The following AOAH variants were observed in gnomAD, a reference collection of about 807,000 sequenced individuals.
AOAH encodes acyloxyacyl hydrolase (neutrophil).
In AOAH, 64 loss-of-function variants were observed where a neutral mutation model predicts 92.2. The observed-to-expected ratio is 0.69, with a 90% CI of 0.57 to 0.86. AOAH has a LOEUF of 0.86. AOAH is among the 40% of genes least tolerant of loss of function. The pLI is 0.00. For missense variants in AOAH, 656 were observed against 694.6 expected, an observed-to-expected ratio of 0.94 and a Z score of 0.62; for synonymous variants, 263 against 254.5, an observed-to-expected ratio of 1.03 and a Z score of -0.32.
intron 2 of AOAH, among the ~76,000 whole-genome samples, chr7:36,680,283 C>T (rs1035695794): frequency 2.6e-5 from 4 of 151,958 alleles, no homozygotes; most frequent in African/African-American, 7.3e-5. Flanking sequence ...ATGCTTTGCA[C>T]GATTAGAAAA....
intron 3 of AOAH, among the ~76,000 whole-genome samples, chr7:36,664,474 T>G (rs1795419922): frequency 6.6e-6 from 1 of 152,218 alleles, no homozygotes; most frequent in Non-Finnish European, 1.5e-5. Flanking sequence ...CATTGATTAT[T>G]TGTCTGTCCT....
intron 10 of AOAH, among the ~76,000 whole-genome samples, chr7:36,616,966 G>A (rs74673213): frequency 0.017 from 2,517 of 152,274 alleles, 34 homozygotes; most frequent in Non-Finnish European, 0.027. Context: ...ATGGAGACAC[G>A]GAGATAGAAA....
intron 1 of AOAH, among the ~76,000 whole-genome samples, chr7:36,711,767 G>A (rs981822622): frequency 3.9e-5 from 6 of 152,144 alleles, no homozygotes; most frequent in South Asian, 2.1e-4. Flanking sequence ...AATGTGTGGT[G>A]GGTCAGATGC....
chr7:36,607,518 T>C (rs750015167), intron 11 of AOAH, among the ~76,000 whole-genome samples: 1 of 152,184 alleles, frequency 6.6e-6, no homozygotes, highest in Non-Finnish European at 1.5e-5. Context: ...TTTTTCCCAC[T>C]GCACACTCAT....
At chr7:36,607,506 C>T (rs114225945) in intron 11 of AOAH, among the ~76,000 whole-genome samples, 1,824 of 152,274 alleles carry the variant, frequency 0.012, 19 homozygotes, top group African/African-American at 0.024. Context: ...ACAACTCCTT[C>T]CTTTTTCCCA....
Position 36,621,766 on chromosome 7 carries a change from A to G in AOAH, c.597T>C (p.Tyr199=). Residue 199 remains tyrosine (Y), a synonymous_variant, in exon 8 of 21, where the codon TAT becomes TAC. Coordinates refer to ENST00000617537, the MANE Select transcript of AOAH (RefSeq NM_001637.4). ...CATTACAGTCTCTCCCCCGCCAGTGATAGCCCCGCAGTGTCTGAAATTGAA... is the reference window on the plus strand; with the variant it reads ...CATTACAGTCTCTCCCCCGCCAGTGGTAGCCCCGCAGTGTCTGAAATTGAA... The part of the protein sequence containing the change: ...KYSVFPTLRG[Y]HWRGRDCNDS... The G allele has an allele frequency of 6.2e-7, 1 of 1,614,184 alleles. No individual in the cohort carries two copies. The highest frequency in any genetic ancestry group is 8.5e-7 in the Non-Finnish European group (1 of 1,180,008).
chr7:36,616,822 C>T (rs1791921980), intron 10 of AOAH, among the ~76,000 whole-genome samples: 1 of 152,164 alleles, frequency 6.6e-6, no homozygotes, highest in African/African-American at 2.4e-5. Flanking sequence ...TTCTTGAAAA[C>T]ACACCAACGT....
At chr7:36,514,784 TC>T in intron 20 of AOAH, 1 of 536,926 alleles carries the variant, frequency 1.9e-6, no homozygotes. Flanking sequence ...CAGCTCACAG[TC>T]CCCTTCCTAA....
At chr7:36,579,183 C>T (rs959526356) in intron 12 of AOAH, among the ~76,000 whole-genome samples, 12 of 151,984 alleles carry the variant, frequency 7.9e-5, no homozygotes, top group African/African-American at 2.9e-4. Flanking sequence ...AAAAATGGCC[C>T]TATGTAGCTG....
intron 12 of AOAH, among the ~76,000 whole-genome samples, chr7:36,585,279 T>A (rs1789237864): frequency 1.3e-5 from 2 of 152,038 alleles, no homozygotes; most frequent in African/African-American, 4.8e-5. Flanking sequence ...ATGCTCAAAC[T>A]CACTAGTAGT....
chr7:36,635,692 C>A (rs192141832), intron 5 of AOAH, among the ~76,000 whole-genome samples: 1 of 151,978 alleles, frequency 6.6e-6, no homozygotes, highest in Non-Finnish European at 1.5e-5. Flanking sequence ...ACTAAGGAGG[C>A]CTTGTTGAAA....
chr7:36,625,385 T>C (rs1239288006), intron 6 of AOAH, among the ~76,000 whole-genome samples: 2 of 152,188 alleles, frequency 1.3e-5, no homozygotes, highest in Non-Finnish European at 2.9e-5. Flanking sequence ...CTGAGCCTCA[T>C]TTTTAAATCT....
In AOAH at chr7:36,724,179, G is replaced by T. The variant is rs374235114; in HGVS notation, c.-31C>A. 1 of 1,608,994 alleles carries T rather than the reference G, an allele frequency of 6.2e-7. No individual in the cohort carries two copies. The highest frequency in any genetic ancestry group is 8.5e-7 in the Non-Finnish European group (1 of 1,177,010). ...AGCTATGCACCCCAAGTGATCACCC[G>T]GCTTTGGAAGCTCCCAACTGAGGGA... On this transcript the variant is annotated 5_prime_UTR_variant, in exon 1 of 21. Transcript: ENST00000617537.
intron 15 of AOAH, among the ~76,000 whole-genome samples, chr7:36,541,797 A>G (rs1345226982): frequency 6.6e-6 from 1 of 152,238 alleles, no homozygotes; most frequent in African/African-American, 2.4e-5. Context: ...ATTTCTTTGT[A>G]CAATTGACTT....
chr7:36,633,777 A>G (rs976278078), intron 5 of AOAH, among the ~76,000 whole-genome samples: 5 of 152,088 alleles, frequency 3.3e-5, no homozygotes, highest in Admixed American at 6.5e-5. Context: ...CTGGAGAAGG[A>G]TCATTTGAGA....
chr7:36,715,833 A>T (rs561299477), intron 1 of AOAH, among the ~76,000 whole-genome samples: 1 of 152,090 alleles, frequency 6.6e-6, no homozygotes, highest in East Asian at 1.9e-4. Flanking sequence ...TTCAAGATGG[A>T]TTAAAGACTT....
At chr7:36,629,044 T>G (rs570693393) in intron 6 of AOAH, among the ~76,000 whole-genome samples, 1 of 152,330 alleles carries the variant, frequency 6.6e-6, no homozygotes, top group South Asian at 2.1e-4. Context: ...CAGTTTTTGG[T>G]GCATAGACAG....
At chr7:36,721,907 C>A (rs1203098835) in intron 1 of AOAH, among the ~76,000 whole-genome samples, 1 of 152,192 alleles carries the variant, frequency 6.6e-6, no homozygotes, top group Non-Finnish European at 1.5e-5. Context: ...TTGGCAGCTT[C>A]TAATTCCTGT....
chr7:36,630,472 C>T (rs1224329258), intron 6 of AOAH, among the ~76,000 whole-genome samples: 7 of 152,280 alleles, frequency 4.6e-5, no homozygotes, highest in Admixed American at 4.6e-4. Context: ...GTCATTAAAG[C>T]ATCACTTGTA....
Sources: allele counts gnomAD v4.1 joint callset (sites outside exome capture counted in the v4.1 genomes callset), GRCh38; gene constraint gnomAD v4.1.1; transcripts MANE v1.5; gene names NCBI Gene and HGNC (gene_info 2026-07-23, HGNC 2026-07-21).